KCNQ3: variants seen among roughly 807,000 people sequenced by gnomAD.
KCNQ3 encodes potassium voltage-gated channel subfamily KQT member 3.
Under a neutral mutation model 92.5 loss-of-function variants are expected in KCNQ3, and 30 were observed. The observed-to-expected ratio is 0.32, with a 90% confidence interval of 0.24 to 0.44. The LOEUF is 0.44. Ranked by LOEUF, KCNQ3 falls within the 20% of genes least tolerant of loss-of-function variation. The probability of loss-of-function intolerance (pLI) is 1.00; values close to 1 mark genes in which losing one functional copy is unlikely to be tolerated. For missense variants in KCNQ3, 913 were observed against 1,140.3 expected, an observed-to-expected ratio of 0.80 and a Z score of 2.87; for synonymous variants, 450 against 468.8, an observed-to-expected ratio of 0.96 and a Z score of 0.52.
chr8:132,134,451 A>G, intron 12 of KCNQ3, 63 bp from the exon 13 acceptor site: 1 of 1,158,980 alleles, frequency 8.6e-7, no homozygotes, highest in East Asian at 2.4e-5. Context: ...AGGAAAACAA[A>G]TCATTCTATT....
intron 1 of KCNQ3, among the ~76,000 whole-genome samples, chr8:132,276,663 A>C (rs1236608461): frequency 6.6e-6 from 1 of 152,160 alleles, no homozygotes; most frequent in Non-Finnish European, 1.5e-5. Flanking sequence ...CTGCACCTGC[A>C]TTGTTTTGAA....
intron 1 of KCNQ3, among the ~76,000 whole-genome samples, chr8:132,240,625 G>A (rs1814964381): frequency 6.6e-6 from 1 of 152,212 alleles, no homozygotes; most frequent in African/African-American, 2.4e-5. Flanking sequence ...ATCACAAGAA[G>A]CCAACGGGGC....
intron 1 of KCNQ3, among the ~76,000 whole-genome samples, chr8:132,410,538 T>C (rs1563900763): frequency 6.6e-6 from 1 of 152,178 alleles, no homozygotes; most frequent in African/African-American, 2.4e-5. Flanking sequence ...GAAAATGCAT[T>C]GCATGCAAAG....
intron 1 of KCNQ3, among the ~76,000 whole-genome samples, chr8:132,405,188 G>C (rs886317264): frequency 2.0e-5 from 3 of 152,220 alleles, no homozygotes; most frequent in Non-Finnish European, 4.4e-5. Context: ...GAAGCAGCCA[G>C]AGAGGAGAGA....
Position 132,127,888 on chromosome 8 carries a change from T to C in KCNQ3, c.*1374A>G, listed in dbSNP as rs1453634956. On this transcript the variant is annotated 3_prime_UTR_variant, in exon 15 of 15. Coordinates refer to ENST00000388996, the MANE Select transcript of KCNQ3 (RefSeq NM_004519.4). Reference sequence around the variant, plus strand: ...TTTTAGCTTGTCTTACGGTTACATATGGTTTTAGTATTTTCATTTAAAAAA... The same window carrying C: ...TTTTAGCTTGTCTTACGGTTACATACGGTTTTAGTATTTTCATTTAAAAAA... The C allele has an allele frequency of 6.6e-6, 1 of 152,188 alleles. No individual in the cohort carries two copies. The highest frequency in any genetic ancestry group is 1.5e-5 in the Non-Finnish European group (1 of 68,036). The allele number at this position is 152,188 out of a possible 1,614,324, so 9.4% of individuals were successfully genotyped here. A position where few individuals can be genotyped will look rare whatever the true frequency, so the allele number is the denominator to read the frequency against.
intron 9 of KCNQ3, among the ~76,000 whole-genome samples, chr8:132,159,858 C>T (rs192684684): frequency 6.6e-6 from 1 of 152,236 alleles, no homozygotes; most frequent in Non-Finnish European, 1.5e-5. Flanking sequence ...ATCATCCACC[C>T]ATTCATCCAT....
intron 1 of KCNQ3, among the ~76,000 whole-genome samples, chr8:132,204,200 A>G (rs1813577695): frequency 6.6e-6 from 1 of 152,224 alleles, no homozygotes. Flanking sequence ...ACCCTTTTAA[A>G]CAGGAGGTGA....
chr8:132,432,309 A>C (rs999689741), intron 1 of KCNQ3, among the ~76,000 whole-genome samples: 1 of 151,810 alleles, frequency 6.6e-6, no homozygotes, highest in Non-Finnish European at 1.5e-5. Flanking sequence ...TGGTAGAGAT[A>C]TGACCAGCTA....
chr8:132,204,907 C>A (rs1486545234), intron 1 of KCNQ3, among the ~76,000 whole-genome samples: 1 of 152,166 alleles, frequency 6.6e-6, no homozygotes, highest in Non-Finnish European at 1.5e-5. Context: ...CAGATCACCC[C>A]CTCTCTGTTT....
intron 1 of KCNQ3, among the ~76,000 whole-genome samples, chr8:132,413,198 A>C (rs1040048511): frequency 3.3e-5 from 5 of 152,132 alleles, no homozygotes; most frequent in Admixed American, 2.0e-4. Flanking sequence ...TCTACCCAAC[A>C]CCTTCAGTGG....
At position 132,141,255 on chromosome 8, in the gene KCNQ3, G is replaced by A. The variant is rs759734514; in HGVS notation, c.1339C>T (p.Pro447Ser). The A allele has an allele frequency of 3.7e-6, 6 of 1,614,160 alleles. No homozygotes were observed. Among genetic ancestry groups the A allele is most frequent in the South Asian group, 3.3e-5 (3 of 91,090 alleles). ...TCTTCTATGGCATCTACATTCAGAG[G>A]GGTAAATAGCTTTCCTTTAGTATTG... is the stretch of plus-strand genomic sequence containing the variant. ...GSNTKGKLFTPLNVDAIEESP... is the reference protein window; with the variant it reads ...GSNTKGKLFTSLNVDAIEESP... Residue 447 changes from proline to serine, a missense_variant, in exon 10 of 15, where the codon CCT becomes TCT. This residue lies in a region of KCNQ3 where 182 missense variants were observed against 234.5 expected (regional missense o/e 0.78). Transcript: ENST00000388996.
At chr8:132,250,294 G>A (rs182749659) in intron 1 of KCNQ3, among the ~76,000 whole-genome samples, 2 of 152,316 alleles carry the variant, frequency 1.3e-5, no homozygotes, top group Admixed American at 6.5e-5. Context: ...AAGGGACAAG[G>A]AGACAAACAG....
chr8:132,247,916 G>A (rs992651186), intron 1 of KCNQ3, among the ~76,000 whole-genome samples: 4 of 152,054 alleles, frequency 2.6e-5, no homozygotes, highest in Non-Finnish European at 4.4e-5. Flanking sequence ...ACTGTTTTAA[G>A]CACTTGACGA....
At chr8:132,184,167 A>C in intron 3 of KCNQ3, 74 bp downstream of exon 3, 1 of 1,594,738 alleles carries the variant, frequency 6.3e-7, no homozygotes, top group African/African-American at 1.3e-5. Context: ...ATAGCTGCTT[A>C]AACTTTTCTC....
At chr8:132,415,112 T>A (rs916180903) in intron 1 of KCNQ3, among the ~76,000 whole-genome samples, 1 of 152,250 alleles carries the variant, frequency 6.6e-6, no homozygotes, top group Admixed American at 6.5e-5. Flanking sequence ...AAACTATGGC[T>A]GGCAGCCTCC....
At chr8:132,405,809 T>C (rs1383853421) in intron 1 of KCNQ3, among the ~76,000 whole-genome samples, 1 of 152,118 alleles carries the variant, frequency 6.6e-6, no homozygotes, top group Non-Finnish European at 1.5e-5. Flanking sequence ...AGCAGGAATG[T>C]GACATTGCAA....
chr8:132,448,922 G>A (rs1365280781), intron 1 of KCNQ3, among the ~76,000 whole-genome samples: 2 of 152,154 alleles, frequency 1.3e-5, no homozygotes, highest in Non-Finnish European at 2.9e-5. Flanking sequence ...CCCTGGCCCC[G>A]AAGGCTCCTG....
chr8:132,192,005 C>T (rs28624784), intron 1 of KCNQ3, among the ~76,000 whole-genome samples: 34,235 of 152,088 alleles, frequency 0.23, 4,179 homozygotes, highest in African/African-American at 0.32. Flanking sequence ...AAGTGGAAAT[C>T]TCCATCCGGC....
chr8:132,152,515 C>A (rs1202598179), intron 9 of KCNQ3, among the ~76,000 whole-genome samples: 1 of 152,122 alleles, frequency 6.6e-6, no homozygotes, highest in Non-Finnish European at 1.5e-5. Flanking sequence ...AATCCATTTT[C>A]TTTTGCAACA....
Sources: allele counts gnomAD v4.1 joint callset (sites outside exome capture counted in the v4.1 genomes callset), GRCh38; gene constraint gnomAD v4.1.1; regional missense constraint gnomAD v4.1.1; transcripts MANE v1.5; gene names NCBI Gene and HGNC (gene_info 2026-07-23, HGNC 2026-07-21).